Variants in ATP8A2 observed in about 807,000 individuals in gnomAD.
ATP8A2 encodes ATPase phospholipid transporting 8A2, also known as phospholipid-transporting ATPase IB.
A neutral mutation model predicts 165.6 loss-of-function variants in ATP8A2; 100 were observed. The ratio of observed to expected loss-of-function variants is 0.60; its 90% CI spans 0.51 to 0.71. The LOEUF (loss-of-function observed/expected upper bound fraction) is 0.71. Among genes scored for constraint, ATP8A2 ranks in the 30% least tolerant of loss-of-function variants. The pLI, the probability that ATP8A2 is intolerant of heterozygous loss-of-function variation, is 0.00. For missense variants in ATP8A2, 1,227 were observed against 1,479.5 expected, an observed-to-expected ratio of 0.83 and a Z score of 2.80; for synonymous variants, 543 against 548.8, an observed-to-expected ratio of 0.99 and a Z score of 0.15.
At chr13:25,995,106 C>T (rs1956469944) in intron 35 of ATP8A2, among the ~76,000 whole-genome samples, 1 of 151,940 alleles carries the variant, frequency 6.6e-6, no homozygotes, top group Non-Finnish European at 1.5e-5. Context: ...TTGTCAAACA[C>T]ATGTGTAGAA....
At chr13:25,548,533 A>G (rs1320958739) in intron 10 of ATP8A2, among the ~76,000 whole-genome samples, 1 of 152,102 alleles carries the variant, frequency 6.6e-6, no homozygotes, top group Non-Finnish European at 1.5e-5. Context: ...GAATGATGAG[A>G]TCTTGCTTAG....
At chr13:25,509,560 T>C (rs781157554) in intron 2 of ATP8A2, among the ~76,000 whole-genome samples, 10 of 152,128 alleles carry the variant, frequency 6.6e-5, no homozygotes, top group Non-Finnish European at 8.8e-5. Flanking sequence ...TTTTCAGCCT[T>C]CATGAATGTG....
chr13:25,818,077 C>A (rs1256919281), intron 27 of ATP8A2, among the ~76,000 whole-genome samples: 2 of 152,118 alleles, frequency 1.3e-5, no homozygotes, highest in African/African-American at 2.4e-5. Context: ...GAGAAGATTA[C>A]TTCTGATTGT....
At chr13:25,575,882 A>G (rs1453100488) in intron 19 of ATP8A2, among the ~76,000 whole-genome samples, 1 of 152,126 alleles carries the variant, frequency 6.6e-6, no homozygotes, top group African/African-American at 2.4e-5. Flanking sequence ...TTGGACAGGC[A>G]AGGAGGAGGA....
intron 24 of ATP8A2, among the ~76,000 whole-genome samples, chr13:25,643,192 C>T (rs986210275): frequency 6.6e-6 from 1 of 152,080 alleles, no homozygotes; most frequent in Non-Finnish European, 1.5e-5. Context: ...TGCACATGTA[C>T]CCTAGAACTT....
intron 34 of ATP8A2, among the ~76,000 whole-genome samples, chr13:25,967,031 C>A (rs1028386544): frequency 6.6e-6 from 1 of 152,032 alleles, no homozygotes; most frequent in African/African-American, 2.4e-5. Flanking sequence ...TCAGGGCAGG[C>A]GGGGCAGGCA....
At chr13:25,559,204 A>G (rs763264270) in intron 14 of ATP8A2, 143 bp downstream of exon 14, 2 of 609,418 alleles carry the variant, frequency 3.3e-6, no homozygotes, top group Non-Finnish European at 5.7e-6. Flanking sequence ...TTGTAACTGA[A>G]TGGATCCCAA....
chr13:25,774,216 A>G (rs2044690141), intron 26 of ATP8A2, among the ~76,000 whole-genome samples: 1 of 152,222 alleles, frequency 6.6e-6, no homozygotes, highest in East Asian at 1.9e-4. Flanking sequence ...ACACCATGGA[A>G]TACTATGCAG....
Position 25,710,286 on chromosome 13 carries a change from T to G in ATP8A2, c.2384+10941T>G, listed in dbSNP as rs184302336. Among the ~76,000 whole-genome samples the G allele has an allele frequency of 7.3e-3, 1,105 of 152,296 alleles. 19 individuals are homozygous for G. The highest frequency in any genetic ancestry group is 0.025 in the African/African-American group (1,052 of 41,560). On this transcript the variant is annotated intron_variant, in intron 25 of 36. Transcript: ENST00000381655. The stretch of plus-strand genomic sequence containing the variant: ...AGTGTTAGGAACATTCCAACTCCGC[T>G]GTTTTAATTATTTTGAAATATACAA...
intron 35 of ATP8A2, among the ~76,000 whole-genome samples, chr13:25,978,897 G>A (rs1203300882): frequency 2.0e-5 from 3 of 151,970 alleles, no homozygotes; most frequent in Non-Finnish European, 2.9e-5. Context: ...CCGAGATCGC[G>A]CCACTGCACT....
intron 16 of ATP8A2, among the ~76,000 whole-genome samples, chr13:25,565,216 CA>C (rs755648429): frequency 2.8e-4 from 43 of 152,162 alleles, no homozygotes; most frequent in Non-Finnish European, 5.7e-4. Flanking sequence ...CATGTGTGTG[CA>C]AGTATTTTTT....
chr13:25,928,793 G>A (rs1954684360), intron 33 of ATP8A2, among the ~76,000 whole-genome samples: 1 of 151,862 alleles, frequency 6.6e-6, no homozygotes, highest in African/African-American at 2.4e-5. Context: ...AAATGGCAGT[G>A]AAAGTTCTCC....
At chr13:25,790,268 A>G (rs988655998) in intron 27 of ATP8A2, among the ~76,000 whole-genome samples, 5 of 152,316 alleles carry the variant, frequency 3.3e-5, no homozygotes, top group Admixed American at 1.3e-4. Flanking sequence ...AAAAGAACCT[A>G]TCTACAGAGT....
rs61948631 is a variant in ATP8A2 at position 25,560,095 on chromosome 13, T to C, written c.1397+330T>C. On this transcript the variant is annotated intron_variant, in intron 15 of 36. Transcript: ENST00000381655. The stretch of plus-strand genomic sequence containing the variant: ...CTCCCGCTGTGTCTTCCCAATGTGC[T>C]GGGATTACAGGTGTGAGAAACCAGG... 7.5e-3 allele frequency among the ~76,000 whole-genome samples: 1,138 copies of C among 152,356 alleles called. 11 individuals carry two copies. Among genetic ancestry groups the C allele is most frequent in the Middle Eastern group, 0.017 (5 of 294 alleles).
chr13:25,480,668 C>T (rs2036159346), intron 2 of ATP8A2, among the ~76,000 whole-genome samples: 2 of 150,772 alleles, frequency 1.3e-5, no homozygotes, highest in Admixed American at 6.6e-5. Context: ...CCTCACTTTC[C>T]AGACTGGGCA....
In ATP8A2 at chr13:25,570,838, T is replaced by C; in HGVS notation, c.1545T>C (p.Asp515=). The C allele has an allele frequency of 6.2e-7, 1 of 1,613,668 alleles. No individual in the cohort carries two copies. The highest frequency in any genetic ancestry group is 8.5e-7 in the Non-Finnish European group (1 of 1,179,650). Residue 515 remains aspartate, a synonymous_variant, in exon 17 of 37, where the codon GAT becomes GAC. Coordinates refer to ENST00000381655, the MANE Select transcript of ATP8A2 (RefSeq NM_016529.6). Reference sequence around the variant, plus strand: ...GCCACACGGTTGTTCCTGAGAAGGATGGAGATAACATCATCTACCAGGCCT... The same window carrying C: ...GCCACACGGTTGTTCCTGAGAAGGACGGAGATAACATCATCTACCAGGCCT... ...AVCHTVVPEK[D]GDNIIYQASS...
intron 1 of ATP8A2, among the ~76,000 whole-genome samples, chr13:25,444,433 A>G (rs1337711194): frequency 6.6e-6 from 1 of 152,176 alleles, no homozygotes; most frequent in African/African-American, 2.4e-5. Flanking sequence ...ATCATAAGGT[A>G]GATGTATACT....
At chr13:25,758,438 C>T (rs1392015531) in intron 25 of ATP8A2, among the ~76,000 whole-genome samples, 1 of 152,190 alleles carries the variant, frequency 6.6e-6, no homozygotes, top group Non-Finnish European at 1.5e-5. Flanking sequence ...AGCACATAGC[C>T]AACCACATTT....
intron 24 of ATP8A2, among the ~76,000 whole-genome samples, chr13:25,616,050 G>A (rs2138468963): frequency 6.6e-6 from 1 of 152,222 alleles, no homozygotes; most frequent in South Asian, 2.1e-4. Context: ...CTGCAAGTTA[G>A]TCCTGCCTCC....
Sources: allele counts gnomAD v4.1 joint callset (sites outside exome capture counted in the v4.1 genomes callset), GRCh38; gene constraint gnomAD v4.1.1; transcripts MANE v1.5; gene names NCBI Gene and HGNC (gene_info 2026-07-23, HGNC 2026-07-21).